Variants in HYCC1 observed in about 807,000 individuals in gnomAD.
The protein encoded by HYCC1 is hyccin PI4KA lipid kinase complex subunit 1, also known as hyccin.
chr7:22,896,809 G>C, the HYCC1 span, among the ~76,000 whole-genome samples: 1 of 152,142 alleles, frequency 6.6e-6, no homozygotes, highest in African/African-American at 2.4e-5. Context: ...CTGAACATTG[G>C]ACAAGTCCCT....
the HYCC1 span, among the ~76,000 whole-genome samples, chr7:22,965,483 T>G: frequency 9.5e-4 from 141 of 147,828 alleles, no homozygotes; most frequent in African/African-American, 3.2e-3. Flanking sequence ...GACATGTAAA[T>G]AAATATTTAT....
At chr7:22,999,780 G>A in the HYCC1 span, among the ~76,000 whole-genome samples, 1 of 152,066 alleles carries the variant, frequency 6.6e-6, no homozygotes, top group Non-Finnish European at 1.5e-5. Flanking sequence ...TGCACCATTA[G>A]CAAAAGAATA....
the HYCC1 span, chr7:22,936,337 A>G: frequency 1.3e-5 from 2 of 152,188 alleles, no homozygotes; most frequent in Non-Finnish European, 2.9e-5. Flanking sequence ...CCTGGCAGTA[A>G]TAAGGACAGC....
the HYCC1 span, chr7:22,964,621 C>T: frequency 1.4e-6 from 1 of 729,034 alleles, no homozygotes; most frequent in East Asian, 2.6e-5. Flanking sequence ...GTACTAGGTA[C>T]ACTTTCATAA....
the HYCC1 span, among the ~76,000 whole-genome samples, chr7:22,996,597 TAAAAAAAAAAAA>T: frequency 1.8e-4 from 19 of 106,554 alleles, no homozygotes; most frequent in East Asian, 1.4e-3. Flanking sequence ...GTACAATTGT[TAAAAAAAAAAAA>T]AAAAAAAAAA....
At chr7:22,978,401 T>C in the HYCC1 span, 4 of 1,613,936 alleles carry the variant, frequency 2.5e-6, no homozygotes, top group Admixed American at 6.7e-5. Flanking sequence ...ACTGCTCCTC[T>C]CCACTGCGAT....
At chr7:22,938,235 C>G in the HYCC1 span, 1 of 152,094 alleles carries the variant, frequency 6.6e-6, no homozygotes, top group African/African-American at 2.4e-5. Context: ...CAGGTGAAGC[C>G]CTGCTCACCT....
chr7:22,898,316 C>T, the HYCC1 span, among the ~76,000 whole-genome samples: 2 of 151,184 alleles, frequency 1.3e-5, no homozygotes, highest in Admixed American at 6.6e-5. Flanking sequence ...TGGGTTCAAG[C>T]GATTCTGCTC....
the HYCC1 span, among the ~76,000 whole-genome samples, chr7:22,951,453 T>C: frequency 2.0e-5 from 3 of 151,926 alleles, no homozygotes; most frequent in Non-Finnish European, 4.4e-5. Flanking sequence ...TTATTATTTG[T>C]CTGCATCATA....
chr7:22,939,827 T>C, the HYCC1 span: 2 of 152,182 alleles, frequency 1.3e-5, no homozygotes, highest in Non-Finnish European at 2.9e-5. Context: ...AAATGGGGAT[T>C]CTATGCACTT....
chr7:22,959,242 T>C, the HYCC1 span, among the ~76,000 whole-genome samples: 1 of 152,208 alleles, frequency 6.6e-6, no homozygotes, highest in African/African-American at 2.4e-5. Flanking sequence ...TCATTATTGT[T>C]TTCTGACATA....
chr7:22,898,262 G>A, the HYCC1 span, among the ~76,000 whole-genome samples: 2 of 151,930 alleles, frequency 1.3e-5, no homozygotes, highest in Non-Finnish European at 2.9e-5. Context: ...CACCCAGGCT[G>A]GAGTGCAGTG....
chr7:22,934,206 C>CTTTT, the HYCC1 span: 38 of 100,166 alleles, frequency 3.8e-4, no homozygotes, highest in African/African-American at 1.4e-3. Context: ...TCTTTTTTTT[C>CTTTT]TTTTTTTTTT....
the HYCC1 span, among the ~76,000 whole-genome samples, chr7:22,979,246 G>C: frequency 6.6e-6 from 1 of 152,172 alleles, no homozygotes; most frequent in East Asian, 1.9e-4. Flanking sequence ...TATGTAAACT[G>C]AATATAATTA....
chr7:22,956,447 ATTAAG>A, the HYCC1 span, among the ~76,000 whole-genome samples: 3,964 of 151,980 alleles, frequency 0.026, 152 homozygotes, highest in African/African-American at 0.09. Flanking sequence ...TGAAAAACAC[ATTAAG>A]TTAAGCCATG....
the HYCC1 span, among the ~76,000 whole-genome samples, chr7:22,967,574 G>A: frequency 2.0e-5 from 3 of 152,154 alleles, no homozygotes; most frequent in Admixed American, 2.0e-4. Context: ...AAGCAAAGGA[G>A]TACCAAAATC....
At chr7:23,001,895 A>AT in the HYCC1 span, among the ~76,000 whole-genome samples, 54,394 of 146,776 alleles carry the variant, frequency 0.37, 9,890 homozygotes, top group East Asian at 0.48. Context: ...TATGGCAAAC[A>AT]TTTTTTTTTT....
chr7:23,002,160 AT>A, the HYCC1 span, among the ~76,000 whole-genome samples: 25,517 of 68,074 alleles, frequency 0.37, 2,778 homozygotes, highest in East Asian at 0.49. Flanking sequence ...ATATATATAT[AT>A]ATATATATAT....
the HYCC1 span, among the ~76,000 whole-genome samples, chr7:22,900,830 G>A: frequency 6.6e-6 from 1 of 152,006 alleles, no homozygotes; most frequent in South Asian, 2.1e-4. Context: ...AGAGTGAGTA[G>A]AAAAAAGCAA....
Sources: gnomAD v4.1 joint callset for allele counts (sites outside exome capture counted in the v4.1 genomes callset) on GRCh38, gnomAD v4.1.1 for gene constraint, MANE v1.5 for transcripts, NCBI Gene and HGNC (gene_info 2026-07-23, HGNC 2026-07-21) for gene names.